The following SNRNP40 variants were observed in gnomAD, a reference collection of about 807,000 sequenced individuals.
The protein encoded by SNRNP40 is U5 small nuclear ribonucleoprotein 40 kDa protein.
Under a neutral mutation model 45.8 loss-of-function variants are expected in SNRNP40, and 21 were observed. The ratio of observed to expected loss-of-function variants is 0.46; its 90% CI spans 0.32 to 0.66. SNRNP40 has a LOEUF of 0.66. SNRNP40 is among the 30% of genes least tolerant of loss of function. The probability of loss-of-function intolerance (pLI) is 0.03; values close to 1 mark genes in which losing one functional copy is unlikely to be tolerated. For missense variants in SNRNP40, 344 were observed against 439.1 expected, an observed-to-expected ratio of 0.78 and a Z score of 1.94; for synonymous variants, 142 against 163.8, an observed-to-expected ratio of 0.87 and a Z score of 1.01.
intron 5 of SNRNP40, among the ~76,000 whole-genome samples, chr1:31,277,034 CAAAA>C (rs536445704): frequency 7.2e-6 from 1 of 139,264 alleles, no homozygotes. Flanking sequence ...AACTCCGTCT[CAAAA>C]AAAAAAAATT....
chr1:31,269,416 A>C (rs1645922003), intron 6 of SNRNP40, 176 bp from the exon 7 acceptor site: 1 of 1,372,042 alleles, frequency 7.3e-7, no homozygotes, highest in Non-Finnish European at 9.5e-7. Context: ...TTCAAGCAGG[A>C]AAACACATCT....
chr1:31,267,374 C>T (rs1645904544), intron 8 of SNRNP40, among the ~76,000 whole-genome samples: 1 of 152,126 alleles, frequency 6.6e-6, no homozygotes, highest in Admixed American at 6.5e-5. Flanking sequence ...TAAAATGTCT[C>T]CAAAGTGGGT....
Position 31,259,767 on chromosome 1 carries a change from A to C in SNRNP40, c.*305T>G. 1.9e-6 allele frequency: 1 copy of C among 530,426 alleles called. No individual in the cohort carries two copies. The highest frequency in any genetic ancestry group is 3.5e-6 in the Non-Finnish European group (1 of 285,384). The allele number at this position is 530,426 out of a possible 1,614,324, so 32.9% of individuals were successfully genotyped here. A position where few individuals can be genotyped will look rare whatever the true frequency, so the allele number is the denominator to read the frequency against. ...TACAAGCCAGTTACAAAAAAAAAAA[A>C]AAAATCCCAACCAACAAATTTGTCA... On this transcript the variant is annotated 3_prime_UTR_variant, in exon 10 of 10. Transcript: ENST00000263694.
At chr1:31,263,498 A>G (rs1194137484) in intron 8 of SNRNP40, 5 of 345,832 alleles carry the variant, frequency 1.4e-5, no homozygotes, top group Non-Finnish European at 2.8e-5. Context: ...ATCTGTATGT[A>G]TTTAGAGAGC....
chr1:31,271,980 T>G (rs922143693), intron 5 of SNRNP40, among the ~76,000 whole-genome samples: 2 of 152,144 alleles, frequency 1.3e-5, no homozygotes, highest in African/African-American at 4.8e-5. Flanking sequence ...CACGTTTGAC[T>G]AGATAAATAT....
intron 5 of SNRNP40, among the ~76,000 whole-genome samples, chr1:31,274,643 A>AT (rs1471388107): frequency 1.1e-5 from 1 of 88,204 alleles, no homozygotes; most frequent in Non-Finnish European, 2.5e-5. Context: ...TAACCATTAC[A>AT]TTAAAAAAAA....
intron 4 of SNRNP40, among the ~76,000 whole-genome samples, chr1:31,286,833 T>A (rs1646063084): frequency 6.6e-6 from 1 of 152,204 alleles, no homozygotes; most frequent in African/African-American, 2.4e-5. Flanking sequence ...GACACTCTAC[T>A]CTGGGCCACC....
chr1:31,285,042 ATCTTTG>A (rs775895903), intron 4 of SNRNP40, among the ~76,000 whole-genome samples: 7 of 152,178 alleles, frequency 4.6e-5, no homozygotes, highest in Non-Finnish European at 8.8e-5. Context: ...GGTCAAATCT[ATCTTTG>A]TCTTTCTCCT....
chr1:31,282,715 AC>A (rs1646028288), intron 4 of SNRNP40, among the ~76,000 whole-genome samples: 1 of 151,904 alleles, frequency 6.6e-6, no homozygotes, highest in African/African-American at 2.4e-5. Flanking sequence ...TCCCTCTGTC[AC>A]CCAGGCCGGA....
intron 8 of SNRNP40, among the ~76,000 whole-genome samples, chr1:31,265,971 A>G (rs1234931958): frequency 6.6e-6 from 1 of 152,218 alleles, no homozygotes; most frequent in African/African-American, 2.4e-5. Flanking sequence ...TTCTCTAGCA[A>G]CTTGATAACT....
Position 31,289,363 on chromosome 1 carries a change from C to G in SNRNP40, c.422G>C (p.Gly141Ala). ...KTVAVWDSET[G>A]ERVKRLKGHT... Reference sequence around the variant, plus strand: ...TCCCTTTAGCCTTTTAACCCTCTCACCTGTTTCACTATCCCACACAGCCAC... The same window carrying G: ...TCCCTTTAGCCTTTTAACCCTCTCAGCTGTTTCACTATCCCACACAGCCAC... The change falls in exon 4 of 10, where the codon GGT becomes GCT. Residue 141 changes from glycine (G) to alanine (A), a missense_variant. By Grantham distance (60) the Gly-to-Ala change is moderately conservative. This residue lies in a region of SNRNP40 where 254 missense variants were observed against 380.2 expected (regional missense o/e 0.67). Transcript: ENST00000263694. 1.2e-6 allele frequency: 2 copies of G among 1,614,130 alleles called. No homozygotes were observed. Among genetic ancestry groups the G allele is most frequent in the Non-Finnish European group, 1.7e-6 (2 of 1,179,962 alleles).
chr1:31,278,941 A>G (rs1328978294), intron 5 of SNRNP40, among the ~76,000 whole-genome samples: 1 of 152,162 alleles, frequency 6.6e-6, no homozygotes, highest in Non-Finnish European at 1.5e-5. Flanking sequence ...AGGAGAAGAA[A>G]CTACCAGATG....
chr1:31,293,896 T>C (rs1198162206), intron 1 of SNRNP40, among the ~76,000 whole-genome samples: 1 of 152,092 alleles, frequency 6.6e-6, no homozygotes, highest in Non-Finnish European at 1.5e-5. Context: ...ATGATGGAAC[T>C]GACTTTCCCA....
intron 4 of SNRNP40, among the ~76,000 whole-genome samples, chr1:31,286,340 CTTAT>C (rs1212928321): frequency 6.6e-6 from 1 of 152,144 alleles, no homozygotes; most frequent in East Asian, 1.9e-4. Context: ...AATATATTCA[CTTAT>C]TTGATTATGC....
intron 8 of SNRNP40, among the ~76,000 whole-genome samples, chr1:31,265,872 C>T (rs1023802942): frequency 6.6e-6 from 1 of 152,054 alleles, no homozygotes; most frequent in African/African-American, 2.4e-5. Flanking sequence ...ACAAAAGATA[C>T]ACTCTTTCTG....
intron 5 of SNRNP40, among the ~76,000 whole-genome samples, chr1:31,276,815 C>A (rs896077356): frequency 6.6e-6 from 1 of 151,622 alleles, no homozygotes; most frequent in Non-Finnish European, 1.5e-5. Flanking sequence ...GGCGGATCAC[C>A]TGAGGTCAGG....
intron 7 of SNRNP40, among the ~76,000 whole-genome samples, 192 bp from the exon 8 acceptor site, chr1:31,268,124 A>G (rs543098336): frequency 2.0e-5 from 3 of 152,288 alleles, no homozygotes; most frequent in African/African-American, 7.2e-5. Context: ...TAAAAACTGT[A>G]GAAAATACTT....
At position 31,270,679 on chromosome 1, in the gene SNRNP40, A is replaced by G. The variant is rs1297790207; in HGVS notation, c.775+700T>C. ...GGTAAAGATGTCCATTAATTCAACA[A>G]ATATTTATTAAGTACCCAATGAATG... On this transcript the variant is annotated intron_variant, in intron 6 of 9. Coordinates refer to ENST00000263694, the MANE Select transcript of SNRNP40 (RefSeq NM_004814.3). Among the ~76,000 whole-genome samples the G allele has an allele frequency of 2.9e-5, 3 of 103,126 alleles. No homozygotes were observed. The Admixed American group carries it at 2.9e-4, about 10-fold the overall frequency. 67.7% of individuals were successfully genotyped at this position (103,126 alleles called of 152,430 possible). A position where few individuals can be genotyped will look rare whatever the true frequency, so the allele number is the denominator to read the frequency against.
intron 1 of SNRNP40, among the ~76,000 whole-genome samples, 162 bp downstream of exon 1, chr1:31,296,449 G>A (rs1022490579): frequency 6.6e-6 from 1 of 152,250 alleles, no homozygotes; most frequent in Non-Finnish European, 1.5e-5. Flanking sequence ...CGCAGCATTC[G>A]CAGGCTATGG....
Sources: allele counts gnomAD v4.1 joint callset (sites outside exome capture counted in the v4.1 genomes callset), GRCh38; gene constraint gnomAD v4.1.1; regional missense constraint gnomAD v4.1.1; transcripts MANE v1.5; gene names NCBI Gene and HGNC (gene_info 2026-07-23, HGNC 2026-07-21).